TTLL5: variants seen among roughly 807,000 people sequenced by gnomAD.
TTLL5 encodes the protein tubulin polyglutamylase TTLL5.
In TTLL5, 132 loss-of-function variants were observed where a neutral mutation model predicts 168.4. That is an observed-to-expected ratio of 0.78 (90% CI 0.68 to 0.91). TTLL5 has a LOEUF of 0.91. Among genes scored for constraint, TTLL5 ranks in the 40% least tolerant of loss-of-function variants. The pLI is 0.00. For synonymous variants in TTLL5, 546 were observed against 558.6 expected, an observed-to-expected ratio of 0.98 and a Z score of 0.32; for missense variants, 1,545 against 1,581.5, an observed-to-expected ratio of 0.98 and a Z score of 0.39.
chr14:75,838,122 CATGGTAGCCAGA>C (rs1299686426), intron 28 of TTLL5: 1 of 152,082 alleles, frequency 6.6e-6, no homozygotes, highest in East Asian at 1.9e-4. Context: ...AAAAGCACTA[CATGGTAGCCAGA>C]GTTGGAGCCT....
intron 12 of TTLL5, among the ~76,000 whole-genome samples, chr14:75,731,372 C>T (rs1361901079): frequency 1.4e-5 from 1 of 69,038 alleles, no homozygotes; most frequent in Non-Finnish European, 2.9e-5. Flanking sequence ...TATACACATA[C>T]ATACACACAC....
At chr14:75,720,524 G>A in intron 11 of TTLL5, 72 bp from the exon 12 acceptor site, 1 of 1,139,614 alleles carries the variant, frequency 8.8e-7, no homozygotes, top group East Asian at 2.4e-5. Flanking sequence ...TAGTTATATT[G>A]TTATCTGGAA....
intron 31 of TTLL5, among the ~76,000 whole-genome samples, chr14:75,903,044 A>G (rs2032994044): frequency 6.6e-6 from 1 of 152,228 alleles, no homozygotes; most frequent in South Asian, 2.1e-4. Flanking sequence ...GCTATGTGTC[A>G]GGCACAGTTC....
At chr14:75,757,698 A>C in intron 18 of TTLL5, 1 of 612,486 alleles carries the variant, frequency 1.6e-6, no homozygotes, top group East Asian at 3.0e-5. Flanking sequence ...GCTTTTCTGC[A>C]AAGATGCCCT....
intron 30 of TTLL5, among the ~76,000 whole-genome samples, chr14:75,889,023 A>G (rs1429250037): frequency 1.3e-5 from 2 of 152,292 alleles, no homozygotes; most frequent in South Asian, 2.1e-4. Flanking sequence ...ACATTTTAGA[A>G]AATACCTAAT....
At chr14:75,936,192 C>A (rs914456955) in intron 31 of TTLL5, among the ~76,000 whole-genome samples, 1 of 151,984 alleles carries the variant, frequency 6.6e-6, no homozygotes, top group Non-Finnish European at 1.5e-5. Context: ...AGAAATACTT[C>A]TTAAACTGCC....
chr14:75,899,255 A>C (rs1183706471), intron 30 of TTLL5, among the ~76,000 whole-genome samples: 1 of 152,208 alleles, frequency 6.6e-6, no homozygotes, highest in East Asian at 1.9e-4. Flanking sequence ...GGGAACACAT[A>C]CATACCTCCC....
chr14:75,752,814 G>T, intron 17 of TTLL5, 79 bp from the exon 18 acceptor site: 4 of 1,349,750 alleles, frequency 3.0e-6, no homozygotes, highest in Non-Finnish European at 4.2e-6. Context: ...TTATTTCTGT[G>T]CTTGATTCAT....
intron 6 of TTLL5, among the ~76,000 whole-genome samples, 187 bp from the exon 7 acceptor site, chr14:75,699,001 G>A (rs1001115896): frequency 5.3e-5 from 8 of 151,602 alleles, no homozygotes; most frequent in African/African-American, 1.2e-4. Flanking sequence ...TCCTTCCCTC[G>A]CTCTATTTTT....
At position 75,771,755 on chromosome 14, in the gene TTLL5, A is replaced by C; in HGVS notation, c.2037A>C (p.Ala679=). 2 of 1,614,028 alleles carry C rather than the reference A, an allele frequency of 1.2e-6. No homozygotes were observed. Among genetic ancestry groups the C allele is most frequent in the Non-Finnish European group, 1.7e-6 (2 of 1,179,946 alleles). ...GNLSKMQARI[A]FSAYLQHVQI... ...ATAGCAAAATGCAGGCCCGAATAGCATTCTCTGCCTATCTCCAGCATGTTC... is the reference window on the plus strand; with the variant it reads ...ATAGCAAAATGCAGGCCCGAATAGCCTTCTCTGCCTATCTCCAGCATGTTC... The change falls in exon 21 of 32, where the codon GCA becomes GCC. Residue 679 remains alanine (A), a synonymous_variant. Coordinates refer to ENST00000298832, the MANE Select transcript of TTLL5 (RefSeq NM_015072.5).
chr14:75,674,540 C>T (rs965863918), intron 3 of TTLL5, among the ~76,000 whole-genome samples: 16 of 152,126 alleles, frequency 1.1e-4, no homozygotes, highest in East Asian at 1.9e-4. Flanking sequence ...TATGATTTCT[C>T]GTGTTTTATT....
At chr14:75,687,462 C>T (rs534658395) in intron 5 of TTLL5, among the ~76,000 whole-genome samples, 3 of 152,036 alleles carry the variant, frequency 2.0e-5, no homozygotes, top group South Asian at 4.2e-4. Context: ...TTAGTAGAGA[C>T]GGGGTTTCAT....
chr14:75,725,709 CTAGA>C (rs1450748155), intron 12 of TTLL5, among the ~76,000 whole-genome samples: 1 of 152,150 alleles, frequency 6.6e-6, no homozygotes, highest in East Asian at 1.9e-4. Context: ...TCTCCCGTAA[CTAGA>C]TACTCAGGAA....
intron 2 of TTLL5, among the ~76,000 whole-genome samples, chr14:75,663,603 T>C (rs1890890651): frequency 6.6e-6 from 1 of 152,242 alleles, no homozygotes; most frequent in African/African-American, 2.4e-5. Context: ...TTACGTTTGC[T>C]AATTTTCTCA....
intron 7 of TTLL5, 56 bp downstream of exon 7, chr14:75,699,326 C>G: frequency 7.0e-7 from 1 of 1,427,222 alleles, no homozygotes; most frequent in Non-Finnish European, 9.9e-7. Context: ...CCTCCTTCAC[C>G]CTTTGTATTG....
chr14:75,870,907 G>C, intron 29 of TTLL5, among the ~76,000 whole-genome samples: 1 of 149,976 alleles, frequency 6.7e-6, no homozygotes, highest in East Asian at 2.0e-4. Context: ...CCATTCTCCT[G>C]CCTCAGCCTC....
At chr14:75,688,593 C>G (rs1885231148) in intron 5 of TTLL5, among the ~76,000 whole-genome samples, 1 of 152,236 alleles carries the variant, frequency 6.6e-6, no homozygotes, top group Admixed American at 6.5e-5. Flanking sequence ...GGTAAAACAA[C>G]TTGGGGCTTG....
chr14:75,942,314 G>C (rs1252823278), intron 31 of TTLL5, among the ~76,000 whole-genome samples: 3 of 152,132 alleles, frequency 2.0e-5, no homozygotes, highest in Admixed American at 6.5e-5. Context: ...AGTTTGTATT[G>C]TTAGTTGGAA....
chr14:75,790,496 G>A (rs1892633657), intron 26 of TTLL5, among the ~76,000 whole-genome samples: 2 of 150,872 alleles, frequency 1.3e-5, no homozygotes, highest in South Asian at 4.2e-4. Context: ...ATTTGAGACA[G>A]GGTCTCACTC....
Sources: gnomAD v4.1 joint callset for allele counts (sites outside exome capture counted in the v4.1 genomes callset) on GRCh38, gnomAD v4.1.1 for gene constraint, MANE v1.5 for transcripts, NCBI Gene and HGNC (gene_info 2026-07-23, HGNC 2026-07-21) for gene names.